Variants in ZNF341 observed in about 807,000 individuals in gnomAD.
ZNF341 encodes zinc finger protein 341.
ZNF341 carries 52 observed loss-of-function variants against 87.7 expected under a neutral mutation model. That is an observed-to-expected ratio of 0.59 (90% CI 0.47 to 0.75). The LOEUF is 0.75. Among genes scored for constraint, ZNF341 ranks in the 30% least tolerant of loss-of-function variants. ZNF341 has a pLI of 0.00. For missense variants in ZNF341, 977 were observed against 1,145.9 expected (o/e 0.85, Z 2.13); for synonymous variants, 459 against 472.7 (o/e 0.97, Z 0.38).
chr20:33,766,745 G>T (rs929463448), intron 8 of ZNF341, 106 bp from the exon 9 acceptor site: 1 of 1,236,736 alleles, frequency 8.1e-7, no homozygotes, highest in South Asian at 1.5e-5. Context: ...GACCCAAAGC[G>T]AGTAGCAGGT....
chr20:33,766,585 A>G (rs577380283), intron 8 of ZNF341, among the ~76,000 whole-genome samples: 6 of 152,234 alleles, frequency 3.9e-5, no homozygotes, highest in African/African-American at 1.2e-4. Flanking sequence ...GGAGAGGTCT[A>G]CAGTGTCTGA....
chr20:33,787,215 G>A (rs1361448440), intron 12 of ZNF341: 1 of 144,252 alleles, frequency 6.9e-6, no homozygotes, highest in Non-Finnish European at 1.5e-5. Context: ...GGGTGTGCAG[G>A]TTGTATTTTT....
Position 33,732,002 on chromosome 20 carries a change from G to T in ZNF341, c.-20G>T. Reference sequence around the variant, plus strand: ...TAGCCGGGCTTCGGTTCCTGTGGCGGCGACGGCGGCGGCTCCAAGATGGCG... The same window carrying T: ...TAGCCGGGCTTCGGTTCCTGTGGCGTCGACGGCGGCGGCTCCAAGATGGCG... On this transcript the variant is annotated 5_prime_UTR_variant, in exon 1 of 15. Coordinates refer to ENST00000375200, the MANE Select transcript of ZNF341 (RefSeq NM_001282933.2). This position sits in a 1 kb window ranked among gnomAD's most constrained non-coding sequence, Gnocchi z 4.5. The T allele has an allele frequency of 7.0e-7, 1 of 1,438,702 alleles. No homozygotes were observed. 89.1% of individuals were successfully genotyped at this position (1,438,702 alleles called of 1,614,324 possible).
rs1316056292 is a variant in ZNF341, at chr20:33,740,910, A to G, written c.40A>G (p.Asn14Asp). 6.2e-7 allele frequency: 1 copy of G among 1,614,008 alleles called. No homozygotes were observed. Among genetic ancestry groups the G allele is most frequent in the Non-Finnish European group, 8.5e-7 (1 of 1,180,004 alleles). ...TGCACTTCTTTTTTCAGGAATGGAC[A>G]ATCAGACCGTTCTGGCTGTCCAGTC... Reference protein sequence around the residue: ...AIFEALEGMDNQTVLAVQSLL... With the variant: ...AIFEALEGMDDQTVLAVQSLL... The change falls in exon 2 of 15, where the codon AAT becomes GAT. Residue 14 changes from asparagine (N) to aspartate (D), a missense_variant. Physicochemically the swap from Asn to Asp is conservative, Grantham distance 23. Transcript: ENST00000375200.
chr20:33,741,494 C>T (rs2018802315), intron 2 of ZNF341, among the ~76,000 whole-genome samples: 1 of 151,838 alleles, frequency 6.6e-6, no homozygotes, highest in Admixed American at 6.6e-5. Context: ...ACCTCCACCT[C>T]CTAGGTTCAA....
chr20:33,757,310 C>T lies in ZNF341; in HGVS notation c.904C>T (p.Arg302Ter), dbSNP rs746141726. 8.8e-6 allele frequency: 14 copies of T among 1,585,950 alleles called. No homozygotes were observed. The highest frequency in any genetic ancestry group is 1.4e-5 in the African/African-American group (1 of 73,410). ...TGACTCTCCAGCAACGCTGAAGACC[C>T]GACGAGCTAAAGGTGCCAGGGGACT... ...TFDSPATLKT[R>*]RAKGARGLPE... The change falls in exon 6 of 15, where the codon CGA (arginine) becomes TGA (stop). Residue 302 changes from arginine (R) to a stop codon, truncating the protein, a stop_gained. Transcript: ENST00000375200. LOFTEE classifies it high-confidence loss of function.
chr20:33,791,038 G>A lies in ZNF341; in HGVS notation c.2086G>A (p.Ala696Thr). Residue 696 changes from alanine (A) to threonine (T), a missense_variant, in exon 15 of 15, where the codon GCC (alanine) becomes ACC (threonine). Physicochemically the swap from Ala to Thr is moderately conservative, Grantham distance 58. This residue lies in a region of ZNF341 where 241 missense variants were observed against 335.0 expected (regional missense o/e 0.72). Coordinates refer to ENST00000375200, the MANE Select transcript of ZNF341 (RefSeq NM_001282933.2). ...ALCSKSFSRR[A>T]HLAEHQRAHT... Reference sequence around the variant, plus strand: ...GTGCAGCAAGTCCTTCAGCCGCCGTGCCCACCTCGCCGAGCATCAGCGCGC... The same window carrying A: ...GTGCAGCAAGTCCTTCAGCCGCCGTACCCACCTCGCCGAGCATCAGCGCGC... 2.5e-6 allele frequency: 4 copies of A among 1,613,528 alleles called. No homozygotes were observed. Among genetic ancestry groups the A allele is most frequent in the Non-Finnish European group, 2.5e-6 (3 of 1,180,008 alleles).
At position 33,745,021 on chromosome 20, in the gene ZNF341, C is replaced by T. The variant is rs555227539; in HGVS notation, c.143-82C>T. The T allele has an allele frequency of 1.0e-5, 13 of 1,299,100 alleles. No homozygotes were observed. The African/African-American group carries it at 1.3e-4, about 13-fold the overall frequency. 80.5% of individuals were successfully genotyped at this position (1,299,100 alleles called of 1,614,324 possible). A position where few individuals can be genotyped will look rare whatever the true frequency, so the allele number is the denominator to read the frequency against. ...GTTCTCCTGTCTCATACTGTGATGC[C>T]CCTTGACATAGTCTTGCTTTTTTTT... is the stretch of plus-strand genomic sequence containing the variant. On this transcript the variant is annotated intron_variant, in intron 2 of 14. Coordinates refer to ENST00000375200, the MANE Select transcript of ZNF341 (RefSeq NM_001282933.2).
At chr20:33,764,562 T>TATATATA (rs1491532951) in intron 8 of ZNF341, among the ~76,000 whole-genome samples, 7 of 40,360 alleles carry the variant, frequency 1.7e-4, no homozygotes, top group East Asian at 2.2e-3. Flanking sequence ...TATATATATA[T>TATATATA]TTTTTTTTTT....
intron 4 of ZNF341, chr20:33,752,197 A>T (rs1007470408): frequency 7.5e-6 from 4 of 533,998 alleles, no homozygotes; most frequent in African/African-American, 5.8e-5. Flanking sequence ...CTGTCTGTAG[A>T]TTTTTGAAAG....
intron 4 of ZNF341, among the ~76,000 whole-genome samples, chr20:33,750,316 C>T (rs1035888491): frequency 6.6e-6 from 1 of 152,214 alleles, no homozygotes; most frequent in African/African-American, 2.4e-5. Flanking sequence ...AGGTGTTTTA[C>T]TTCTCCCCTT....
At chr20:33,735,334 TTTTTTA>T (rs1555870409) in intron 1 of ZNF341, among the ~76,000 whole-genome samples, 3 of 152,076 alleles carry the variant, frequency 2.0e-5, no homozygotes, top group Non-Finnish European at 4.4e-5. Flanking sequence ...CCAGCCAGCC[TTTTTTA>T]TTTTTATTTG....
intron 4 of ZNF341, among the ~76,000 whole-genome samples, 168 bp from the exon 5 acceptor site, chr20:33,753,004 C>T (rs763148324): frequency 3.0e-4 from 46 of 152,200 alleles, no homozygotes; most frequent in Non-Finnish European, 5.7e-4. Context: ...AGGCTTCCTT[C>T]GAATTCTCCC....
intron 5 of ZNF341, among the ~76,000 whole-genome samples, chr20:33,756,031 T>C (rs1236094098): frequency 1.3e-5 from 2 of 151,968 alleles, no homozygotes; most frequent in Non-Finnish European, 2.9e-5. Flanking sequence ...GAGTCCAGCT[T>C]GGGCAACATG....
chr20:33,783,402 T>A (rs546816454), intron 11 of ZNF341, among the ~76,000 whole-genome samples: 73 of 152,238 alleles, frequency 4.8e-4, no homozygotes, highest in African/African-American at 1.3e-3. Flanking sequence ...TTGCCAGGCA[T>A]AGCACCAGGG....
At chr20:33,754,360 G>A (rs2019128441) in intron 5 of ZNF341, among the ~76,000 whole-genome samples, 2 of 152,078 alleles carry the variant, frequency 1.3e-5, no homozygotes, top group Non-Finnish European at 2.9e-5. Flanking sequence ...GTGCTAGAGG[G>A]TATGGTTATG....
In ZNF341 at chr20:33,770,065, C is replaced by T. The variant is rs1270669431; in HGVS notation, c.1414-19C>T. The T allele has an allele frequency of 6.3e-7, 1 of 1,599,518 alleles. No individual in the cohort carries two copies. The highest frequency in any genetic ancestry group is 8.6e-7 in the Non-Finnish European group (1 of 1,168,700). On this transcript the variant is annotated intron_variant, in intron 9 of 14. Transcript: ENST00000375200. ...AAGCTCTCCTGCCTCCTGTCACCTG[C>T]CCAGCGTCTTCCCTCAAGGTGTACA...
chr20:33,759,138 G>A (rs1232407901), intron 7 of ZNF341, among the ~76,000 whole-genome samples: 1 of 152,202 alleles, frequency 6.6e-6, no homozygotes, highest in South Asian at 2.1e-4. Flanking sequence ...GCCTACCAGG[G>A]CTGCCATACT....
chr20:33,755,450 C>T (rs1210229850), intron 5 of ZNF341, among the ~76,000 whole-genome samples: 3 of 152,168 alleles, frequency 2.0e-5, no homozygotes, highest in Non-Finnish European at 4.4e-5. Context: ...GCATGAGCCA[C>T]CATACCCGGC....
Sources: allele counts gnomAD v4.1 joint callset (sites outside exome capture counted in the v4.1 genomes callset), GRCh38; gene constraint gnomAD v4.1.1; regional missense constraint gnomAD v4.1.1; non-coding constraint Gnocchi (gnomAD v3.1); transcripts MANE v1.5; gene names NCBI Gene and HGNC (gene_info 2026-07-23, HGNC 2026-07-21).